The following GREB1L variants were observed in gnomAD, a reference collection of about 807,000 sequenced individuals.
GREB1L encodes the protein GREB1 like retinoic acid receptor coactivator.
Under a neutral mutation model 200.8 loss-of-function variants are expected in GREB1L, and 17 were observed. The ratio of observed to expected loss-of-function variants is 0.08; its 90% CI spans 0.06 to 0.13. The LOEUF (loss-of-function observed/expected upper bound fraction) is 0.13. Ranked by LOEUF, GREB1L falls within the 10% of genes least tolerant of loss-of-function variation. The pLI, the probability that GREB1L is intolerant of heterozygous loss-of-function variation, is 1.00. For missense variants in GREB1L, 1,657 were observed against 2,367.7 expected (o/e 0.70, Z 6.23); for synonymous variants, 789 against 893.0 (o/e 0.88, Z 2.08).
chr18:21,401,449 C>T, intron 6 of GREB1L, 123 bp downstream of exon 6: 1 of 786,740 alleles, frequency 1.3e-6, no homozygotes, highest in Non-Finnish European at 1.9e-6. Flanking sequence ...GAAGGATATC[C>T]CAAAATTTAA....
chr18:21,247,348 A>C (rs1045848501), intron 1 of GREB1L, among the ~76,000 whole-genome samples: 6 of 152,230 alleles, frequency 3.9e-5, no homozygotes, highest in African/African-American at 1.4e-4. Context: ...TATCTTCAGC[A>C]GTCCCTACAG....
chr18:21,388,760 G>A (rs1005956988), intron 4 of GREB1L, among the ~76,000 whole-genome samples: 1 of 151,866 alleles, frequency 6.6e-6, no homozygotes, highest in African/African-American at 2.4e-5. Flanking sequence ...CCTTTTGACT[G>A]TGACAGTTTC....
At chr18:21,507,983 C>T in intron 25 of GREB1L, 135 bp from the exon 26 acceptor site, 1 of 801,734 alleles carries the variant, frequency 1.2e-6, no homozygotes. Flanking sequence ...GACGTGGCTG[C>T]TCACAGCCTG....
At chr18:21,440,126 C>A in intron 8 of GREB1L, 143 bp from the exon 9 acceptor site, 15 of 789,258 alleles carry the variant, frequency 1.9e-5, no homozygotes, top group Non-Finnish European at 2.1e-5. Flanking sequence ...TTAAACTTTA[C>A]CTCTAAAGGA....
At chr18:21,253,020 A>G (rs999949512) in intron 1 of GREB1L, among the ~76,000 whole-genome samples, 4 of 152,312 alleles carry the variant, frequency 2.6e-5, no homozygotes, top group Non-Finnish European at 5.9e-5. Flanking sequence ...TAATTTTGAT[A>G]TCAGTTGCCC....
chr18:21,291,305 C>G (rs2038446674), intron 1 of GREB1L, among the ~76,000 whole-genome samples: 1 of 152,172 alleles, frequency 6.6e-6, no homozygotes, highest in Non-Finnish European at 1.5e-5. Context: ...ACCTGTTTGC[C>G]TGATGACAGC....
intron 7 of GREB1L, among the ~76,000 whole-genome samples, chr18:21,434,434 C>T (rs1170313486): frequency 9.2e-5 from 14 of 151,508 alleles, no homozygotes; most frequent in Non-Finnish European, 1.6e-4. Flanking sequence ...CGAGATCACA[C>T]CACTGCACTC....
intron 1 of GREB1L, among the ~76,000 whole-genome samples, chr18:21,253,616 G>A (rs1331446310): frequency 6.6e-6 from 1 of 152,126 alleles, no homozygotes. Flanking sequence ...TAAATGTAAT[G>A]TGTTTAGATT....
In GREB1L at chr18:21,439,560, G is replaced by C. The variant is rs536242608; in HGVS notation, c.872G>C (p.Ser291Thr). 3.9e-6 allele frequency: 6 copies of C among 1,551,372 alleles called. No homozygotes were observed. The East Asian group carries it at 1.2e-4, about 32-fold the overall frequency. ...AACAGTAGCCATGGAGGGAAGGGCA[G>C]TGCATCCAGCTCCACTCCAGCCCAC... Reference protein sequence around the residue: ...NGNSSHGGKGSASSSTPAHTG... With the variant: ...NGNSSHGGKGTASSSTPAHTG... Residue 291 changes from serine (S) to threonine (T), a missense_variant, in exon 8 of 33, where the codon AGT becomes ACT. By Grantham distance (58) the Ser-to-Thr change is moderately conservative. Coordinates refer to ENST00000424526, the MANE Select transcript of GREB1L (RefSeq NM_001142966.3).
intron 1 of GREB1L, among the ~76,000 whole-genome samples, chr18:21,298,114 T>C (rs2038559321): frequency 6.6e-6 from 1 of 152,192 alleles, no homozygotes; most frequent in Middle Eastern, 3.2e-3. Context: ...TACAGGAGAT[T>C]GTTTTATTTG....
In GREB1L at chr18:21,522,793, T is replaced by TCTA. The variant is rs2037626405; in HGVS notation, c.5747_5749dup (p.Tyr1916dup). On this transcript the variant is annotated inframe_insertion, in exon 33 of 33. Transcript: ENST00000424526. Reference sequence around the variant, plus strand: ...GCTAACAGCAGTGATGACAAGCCTCTCTACTTTCTTACTGGACGTCATGTA... The same window carrying TCTA: ...GCTAACAGCAGTGATGACAAGCCTCTCTACTACTTTCTTACTGGACGTCATGTA... 1 of 1,551,376 alleles carries TCTA rather than the reference T, an allele frequency of 6.4e-7. No homozygotes were observed. Among genetic ancestry groups the TCTA allele is most frequent in the Admixed American group, 2.0e-5 (1 of 50,934 alleles).
chr18:21,471,427 C>T (rs1438610880), intron 15 of GREB1L, among the ~76,000 whole-genome samples: 1 of 152,104 alleles, frequency 6.6e-6, no homozygotes, highest in African/African-American at 2.4e-5. Context: ...CCTCTGCCTA[C>T]CCCATAGTAC....
intron 10 of GREB1L, among the ~76,000 whole-genome samples, chr18:21,442,395 A>G (rs1400418114): frequency 7.2e-5 from 11 of 152,116 alleles, no homozygotes; most frequent in Admixed American, 2.0e-4. Flanking sequence ...CATGTCCTTT[A>G]CCTGGTTGCT....
intron 17 of GREB1L, among the ~76,000 whole-genome samples, chr18:21,480,799 C>A (rs2035885067): frequency 1.3e-5 from 2 of 152,168 alleles, no homozygotes; most frequent in African/African-American, 4.8e-5. Flanking sequence ...GCAGGCAGAT[C>A]ATTTGAAGTC....
At chr18:21,414,156 G>A (rs1426930758) in intron 7 of GREB1L, among the ~76,000 whole-genome samples, 2 of 152,118 alleles carry the variant, frequency 1.3e-5, no homozygotes. Context: ...AGCAACCTTA[G>A]TATAGCAACA....
intron 1 of GREB1L, among the ~76,000 whole-genome samples, chr18:21,344,373 C>T (rs2039313517): frequency 6.7e-6 from 1 of 150,226 alleles, no homozygotes; most frequent in South Asian, 2.1e-4. Flanking sequence ...TGCACTCCAG[C>T]CTGGGCGACA....
chr18:21,462,074 T>A (rs1012446588), intron 15 of GREB1L, among the ~76,000 whole-genome samples: 3 of 152,102 alleles, frequency 2.0e-5, no homozygotes, highest in Non-Finnish European at 1.5e-5. Context: ...GGAAGAAGAG[T>A]TACTGGTGCT....
intron 28 of GREB1L, among the ~76,000 whole-genome samples, chr18:21,514,669 T>C (rs1568077212): frequency 6.6e-6 from 1 of 152,232 alleles, no homozygotes; most frequent in Non-Finnish European, 1.5e-5. Flanking sequence ...ACTCCTGGGC[T>C]CAAGCAGTCC....
chr18:21,450,935 G>A, intron 12 of GREB1L, 88 bp from the exon 13 acceptor site: 1 of 1,344,976 alleles, frequency 7.4e-7, no homozygotes, highest in Non-Finnish European at 1.0e-6. Context: ...GACATCCTTT[G>A]ATTGTTTCCA....
Sources: gnomAD v4.1 joint callset for allele counts (sites outside exome capture counted in the v4.1 genomes callset) on GRCh38, gnomAD v4.1.1 for gene constraint, MANE v1.5 for transcripts, NCBI Gene and HGNC (gene_info 2026-07-23, HGNC 2026-07-21) for gene names.